Variants in ATP6V1B2 observed in about 807,000 individuals in gnomAD.
ATP6V1B2 encodes ATPase H+ transporting V1 subunit B2.
A neutral mutation model predicts 66.7 loss-of-function variants in ATP6V1B2; 23 were observed. The ratio of observed to expected loss-of-function variants is 0.34; its 90% CI spans 0.25 to 0.49. The LOEUF is 0.49. Among genes scored for constraint, ATP6V1B2 ranks in the 20% least tolerant of loss-of-function variants. ATP6V1B2 has a pLI of 0.99. For missense variants in ATP6V1B2, 478 were observed against 650.8 expected (o/e 0.73, Z 2.89); for synonymous variants, 278 against 236.7 (o/e 1.17, Z -1.60).
intron 1 of ATP6V1B2, among the ~76,000 whole-genome samples, chr8:20,198,648 C>G (rs187071273): frequency 1.3e-5 from 2 of 152,296 alleles, no homozygotes; most frequent in East Asian, 1.9e-4. Flanking sequence ...GTGTCTGTCT[C>G]TAGGTGGCCG....
Position 20,214,953 on chromosome 8 carries a change from A to G in ATP6V1B2, c.1063A>G (p.Thr355Ala), listed in dbSNP as rs146198696. 1 of 1,613,094 alleles carries G rather than the reference A, an allele frequency of 6.2e-7. No individual in the cohort carries two copies. Among genetic ancestry groups the G allele is most frequent in the African/African-American group, 1.3e-5 (1 of 74,824 alleles). ...NGSITQIPILTMPNDDITHPI... is the reference protein window; with the variant it reads ...NGSITQIPILAMPNDDITHPI... Reference sequence around the variant, plus strand: ...CTCGATTACTCAAATCCCTATTCTAACCATGCCTAATGATGGTAAGTTTTG... The same window carrying G: ...CTCGATTACTCAAATCCCTATTCTAGCCATGCCTAATGATGGTAAGTTTTG... The change falls in exon 10 of 14, where the codon ACC (threonine) becomes GCC (alanine). Residue 355 changes from threonine to alanine, a missense_variant. Transcript: ENST00000276390.
At chr8:20,207,657 A>G (rs1004364640) in intron 2 of ATP6V1B2, among the ~76,000 whole-genome samples, 1 of 152,056 alleles carries the variant, frequency 6.6e-6, no homozygotes, top group African/African-American at 2.4e-5. Flanking sequence ...TAAATTTGTA[A>G]AGGACCACAG....
At chr8:20,205,253 A>G (rs539555745) in intron 2 of ATP6V1B2, among the ~76,000 whole-genome samples, 1 of 152,292 alleles carries the variant, frequency 6.6e-6, no homozygotes, top group Admixed American at 6.5e-5. Flanking sequence ...TTTAAAATAT[A>G]AATTTTTTAA....
intron 2 of ATP6V1B2, among the ~76,000 whole-genome samples, chr8:20,208,934 C>T (rs916732892): frequency 1.3e-5 from 2 of 151,984 alleles, no homozygotes. Flanking sequence ...GTCTCGAACT[C>T]CTGACTTCAG....
Position 20,218,647 on chromosome 8 carries a change from A to G in ATP6V1B2, c.1396+365A>G, listed in dbSNP as rs75961180. Among the ~76,000 whole-genome samples, 982 of 152,056 alleles carry G rather than the reference A, an allele frequency of 6.5e-3. 61 individuals carry two copies. The East Asian group carries it at 0.16, about 25-fold the overall frequency. On this transcript the variant is annotated intron_variant, in intron 13 of 13. Transcript: ENST00000276390. ...GGCTTGGGACTTTCCTGATTCATCT[A>G]TATTCATCTCTTTTTCTCATTTCTT...
chr8:20,205,943 A>G (rs959042333), intron 2 of ATP6V1B2, among the ~76,000 whole-genome samples: 3 of 152,248 alleles, frequency 2.0e-5, no homozygotes, highest in Non-Finnish European at 4.4e-5. Context: ...ATGTAATTCA[A>G]CACATTCATG....
chr8:20,220,126 C>T, intron 13 of ATP6V1B2, 137 bp from the exon 14 acceptor site: 1 of 846,278 alleles, frequency 1.2e-6, no homozygotes, highest in South Asian at 2.1e-5. Context: ...CAGTCCTTCT[C>T]ATTTAGTCTT....
chr8:20,218,068 A>T lies in ATP6V1B2; in HGVS notation c.1267-85A>T, dbSNP rs1039421767. ...TCCTTCTATGGGCTCTTGTGAGGAG[A>T]ACTAGAGCAGTACATTCCTATATCC... On this transcript the variant is annotated intron_variant, in intron 12 of 13. Transcript: ENST00000276390. 5 of 1,502,650 alleles carry T rather than the reference A, an allele frequency of 3.3e-6. No homozygotes were observed. The Admixed American group carries it at 1.1e-4, about 32-fold the overall frequency. The allele number at this position is 1,502,650 out of a possible 1,614,324, so 93.1% of individuals were successfully genotyped here.
intron 13 of ATP6V1B2, 121 bp downstream of exon 13, chr8:20,218,403 G>A: frequency 7.7e-7 from 1 of 1,302,138 alleles, no homozygotes; most frequent in South Asian, 1.6e-5. Context: ...TAGAGAAGAG[G>A]CTCTGTCACC....
chr8:20,209,005 A>T (rs1036784606), intron 2 of ATP6V1B2, among the ~76,000 whole-genome samples: 1 of 152,108 alleles, frequency 6.6e-6, no homozygotes, highest in African/African-American at 2.4e-5. Flanking sequence ...CACCGCGCCT[A>T]GCCTATTTAG....
At chr8:20,198,072 T>A (rs1483894342) in intron 1 of ATP6V1B2, among the ~76,000 whole-genome samples, 1 of 152,196 alleles carries the variant, frequency 6.6e-6, no homozygotes, top group African/African-American at 2.4e-5. Context: ...GCTTGGTGTT[T>A]GGTGGAGGGG....
chr8:20,213,863 C>T (rs946562430), intron 9 of ATP6V1B2: 2 of 152,098 alleles, frequency 1.3e-5, no homozygotes, highest in Admixed American at 1.3e-4. Context: ...TTTTTCTCCC[C>T]CATCCATCAC....
At position 20,214,812 on chromosome 8, in the gene ATP6V1B2, T is replaced by C. The variant is rs781529182; in HGVS notation, c.928-6T>C. On this transcript the variant is annotated splice_region_variant and splice_polypyrimidine_tract_variant and intron_variant, in intron 9 of 13. Transcript: ENST00000276390. ...CATGATACTCTTCTGCTTGACCTGC[T>C]GTCAGGTTTCAGCAGCCAGGGAAGA... 1 of 1,610,034 alleles carries C rather than the reference T, an allele frequency of 6.2e-7. No homozygotes were observed. Among genetic ancestry groups the C allele is most frequent in the South Asian group, 1.1e-5 (1 of 90,678 alleles).
At chr8:20,204,659 C>T (rs188636896) in intron 2 of ATP6V1B2, 120 bp downstream of exon 2, 2 of 778,348 alleles carry the variant, frequency 2.6e-6, no homozygotes, top group African/African-American at 3.5e-5. Flanking sequence ...GGGTGTCAGT[C>T]AGTCTAAAGC....
At chr8:20,212,453 A>G (rs1356789369) in intron 8 of ATP6V1B2, among the ~76,000 whole-genome samples, 1 of 152,184 alleles carries the variant, frequency 6.6e-6, no homozygotes, top group Non-Finnish European at 1.5e-5. Flanking sequence ...TCATACTTAT[A>G]AATTACCTAA....
At chr8:20,212,498 C>T (rs1431776160) in intron 8 of ATP6V1B2, among the ~76,000 whole-genome samples, 1 of 152,138 alleles carries the variant, frequency 6.6e-6, no homozygotes, top group Non-Finnish European at 1.5e-5. Flanking sequence ...ATTTTTTCCT[C>T]CTACCTCAAA....
At chr8:20,204,063 G>C (rs1455129890) in intron 1 of ATP6V1B2, 2 of 449,998 alleles carry the variant, frequency 4.4e-6, no homozygotes, top group African/African-American at 4.0e-5. Flanking sequence ...CCTCTATAAA[G>C]TTTTTACTTT....
intron 13 of ATP6V1B2, among the ~76,000 whole-genome samples, chr8:20,219,504 G>A (rs1368408446): frequency 1.3e-5 from 2 of 152,082 alleles, no homozygotes; most frequent in East Asian, 1.9e-4. Context: ...TCTTAACATC[G>A]GTGGTTACAA....
chr8:20,207,571 A>T (rs2072751596), intron 2 of ATP6V1B2, among the ~76,000 whole-genome samples: 1 of 152,070 alleles, frequency 6.6e-6, no homozygotes, highest in East Asian at 1.9e-4. Context: ...AAAGTATAAT[A>T]ATAATAAAAT....
Sources: gnomAD v4.1 joint callset for allele counts (sites outside exome capture counted in the v4.1 genomes callset) on GRCh38, gnomAD v4.1.1 for gene constraint, MANE v1.5 for transcripts, NCBI Gene and HGNC (gene_info 2026-07-23, HGNC 2026-07-21) for gene names.